The following NDRG3 variants were observed in gnomAD, a reference collection of about 807,000 sequenced individuals.
NDRG3 encodes the protein protein NDRG3.
Under a neutral mutation model 57.2 loss-of-function variants are expected in NDRG3, and 23 were observed. The ratio of observed to expected loss-of-function variants is 0.40; its 90% CI spans 0.29 to 0.57. The LOEUF (loss-of-function observed/expected upper bound fraction) is 0.57, where lower values mean the gene tolerates loss of function less well. Among genes scored for constraint, NDRG3 ranks in the 20% least tolerant of loss-of-function variants. The pLI is 0.42. For missense variants in NDRG3, 384 were observed against 457.3 expected (o/e 0.84, Z 1.46); for synonymous variants, 132 against 162.6 (o/e 0.81, Z 1.43).
intron 2 of NDRG3, among the ~76,000 whole-genome samples, chr20:36,714,996 GTGTGTGTGTGTATATATATA>G (rs1188910112): frequency 3.6e-5 from 2 of 55,724 alleles, no homozygotes; most frequent in Non-Finnish European, 6.6e-5. Context: ...GTGTGTGTGT[GTGTGTGTGTGTATATATATA>G]TATATATATA....
chr20:36,653,704 G>A lies in NDRG3; in HGVS notation c.947-3C>T, dbSNP rs1978411982. On this transcript the variant is annotated splice_polypyrimidine_tract_variant and splice_region_variant and intron_variant, in intron 15 of 15. Transcript: ENST00000349004. This position sits in a 1 kb window ranked among gnomAD's most constrained non-coding sequence, Gnocchi z 4.2. Reference sequence around the variant, plus strand: ...CCGAGTCATGCTGGCAGATGGTACTGTAACAGAGAACCAAGGGGACTAGAA... The same window carrying A: ...CCGAGTCATGCTGGCAGATGGTACTATAACAGAGAACCAAGGGGACTAGAA... 1 of 1,612,154 alleles carries A rather than the reference G, an allele frequency of 6.2e-7. No individual in the cohort carries two copies. The highest frequency in any genetic ancestry group is 8.5e-7 in the Non-Finnish European group (1 of 1,179,600).
intron 8 of NDRG3, among the ~76,000 whole-genome samples, chr20:36,676,903 G>C (rs1980773891): frequency 6.6e-6 from 1 of 152,252 alleles, no homozygotes; most frequent in African/African-American, 2.4e-5. Flanking sequence ...CAGAGCCGCA[G>C]ACCCAGGCCT....
At chr20:36,711,526 T>A (rs1983879069) in intron 2 of NDRG3, among the ~76,000 whole-genome samples, 1 of 152,152 alleles carries the variant, frequency 6.6e-6, no homozygotes. Flanking sequence ...GCAGCTGTCA[T>A]TGTATCCATG....
intron 1 of NDRG3, among the ~76,000 whole-genome samples, chr20:36,731,879 C>G (rs1985306309): frequency 2.0e-5 from 3 of 151,850 alleles, no homozygotes; most frequent in African/African-American, 7.3e-5. Context: ...ATAATCCCAG[C>G]ACTTTGGGAG....
At chr20:36,723,502 C>A (rs1272274958) in intron 1 of NDRG3, among the ~76,000 whole-genome samples, 1 of 151,878 alleles carries the variant, frequency 6.6e-6, no homozygotes, top group Admixed American at 6.6e-5. Flanking sequence ...GTACCCATTG[C>A]ACTATGGAAG....
At chr20:36,694,419 G>C (rs1982598417) in intron 3 of NDRG3, among the ~76,000 whole-genome samples, 1 of 152,128 alleles carries the variant, frequency 6.6e-6, no homozygotes, top group African/African-American at 2.4e-5. Context: ...GAACCCTTCT[G>C]CCAGGCTGTC....
chr20:36,679,326 CAT>C (rs1256849909), intron 8 of NDRG3, among the ~76,000 whole-genome samples: 8 of 152,146 alleles, frequency 5.3e-5, no homozygotes. Flanking sequence ...TGCCCTATGA[CAT>C]AGCAATTTCA....
At chr20:36,667,852 G>A (rs557515097) in intron 9 of NDRG3, among the ~76,000 whole-genome samples, 31 of 152,204 alleles carry the variant, frequency 2.0e-4, no homozygotes, top group Admixed American at 3.3e-4. Context: ...ATTGACAAGC[G>A]TCTACCTGAA....
chr20:36,684,830 C>T (rs1403286673), intron 5 of NDRG3, among the ~76,000 whole-genome samples: 1 of 146,654 alleles, frequency 6.8e-6, no homozygotes, highest in African/African-American at 2.5e-5. Context: ...GCCTGGGCAA[C>T]AAGAGCAAAA....
chr20:36,727,319 A>C (rs571575930), intron 1 of NDRG3, among the ~76,000 whole-genome samples: 1 of 152,068 alleles, frequency 6.6e-6, no homozygotes, highest in Admixed American at 6.6e-5. Flanking sequence ...TCTTGGGTTC[A>C]AGCGATTCTC....
chr20:36,721,551 T>G, intron 2 of NDRG3, 128 bp downstream of exon 2: 1 of 599,562 alleles, frequency 1.7e-6, no homozygotes, highest in Non-Finnish European at 2.9e-6. Flanking sequence ...AATAGATTTT[T>G]AAAGTATTCC....
intron 1 of NDRG3, among the ~76,000 whole-genome samples, chr20:36,739,166 A>AAAAAAAT (rs1157120131): frequency 8.6e-6 from 1 of 116,366 alleles, no homozygotes; most frequent in African/African-American, 3.8e-5. Flanking sequence ...AAAAAAAAAA[A>AAAAAAAT]GGCCAGGCAC....
In NDRG3 at chr20:36,687,535, C is replaced by A; in HGVS notation, c.277G>T (p.Asp93Tyr). 1 of 1,614,094 alleles carries A rather than the reference C, an allele frequency of 6.2e-7. No homozygotes were observed. Reference protein sequence around the residue: ...ITQHFAVCHVDAPGQQEGAPS... With the variant: ...ITQHFAVCHVYAPGQQEGAPS... ...GCACCTTCCTGCTGGCCTGGGGCATCCACATGACAGACAGCAAAGTGCTGG... is the reference window on the plus strand; with the variant it reads ...GCACCTTCCTGCTGGCCTGGGGCATACACATGACAGACAGCAAAGTGCTGG... The change falls in exon 5 of 16, where the codon GAT becomes TAT. Residue 93 changes from aspartate to tyrosine, a missense_variant. Physicochemically the swap from Asp to Tyr is radical, Grantham distance 160. Coordinates refer to ENST00000349004, the MANE Select transcript of NDRG3 (RefSeq NM_032013.4).
At chr20:36,735,387 CA>C (rs1475826796) in intron 1 of NDRG3, among the ~76,000 whole-genome samples, 1 of 152,090 alleles carries the variant, frequency 6.6e-6, no homozygotes, top group Non-Finnish European at 1.5e-5. Context: ...GGAAAAAATC[CA>C]AAACCTGAAA....
chr20:36,685,687 C>G (rs1981723192), intron 5 of NDRG3, among the ~76,000 whole-genome samples: 1 of 152,186 alleles, frequency 6.6e-6, no homozygotes, highest in Non-Finnish European at 1.5e-5. Flanking sequence ...GGCCCAGGAA[C>G]AGACCCAGAT....
rs372722052 is a variant in NDRG3 at position 36,680,275 on chromosome 20, A to C, written c.531+541T>G. ...GCCGAGGCGGGTGGATCACAAGGTC[A>C]GGAGTTCAAGACCAGCCTGGTCAAG... On this transcript the variant is annotated intron_variant, in intron 8 of 15. Transcript: ENST00000349004. Among the ~76,000 whole-genome samples the C allele has an allele frequency of 1.6e-4, 24 of 151,848 alleles. No homozygotes were observed. The South Asian group carries it at 4.2e-3, about 26-fold the overall frequency.
At chr20:36,694,906 T>C (rs919793845) in intron 3 of NDRG3, among the ~76,000 whole-genome samples, 1 of 152,122 alleles carries the variant, frequency 6.6e-6, no homozygotes, top group African/African-American at 2.4e-5. Flanking sequence ...CATAGATGCA[T>C]GCCACCATGC....
At chr20:36,742,334 A>G (rs1478986131) in intron 1 of NDRG3, among the ~76,000 whole-genome samples, 1 of 152,208 alleles carries the variant, frequency 6.6e-6, no homozygotes. Flanking sequence ...TTAAGGATGA[A>G]TTCACTGAGA....
chr20:36,658,812 G>T (rs1318799949), intron 13 of NDRG3, among the ~76,000 whole-genome samples: 1 of 152,154 alleles, frequency 6.6e-6, no homozygotes, highest in Non-Finnish European at 1.5e-5. Context: ...GAGTTGGTCT[G>T]TATTTGCCCT....
Sources: gnomAD v4.1 joint callset for allele counts (sites outside exome capture counted in the v4.1 genomes callset) on GRCh38, gnomAD v4.1.1 for gene constraint, Gnocchi (gnomAD v3.1) non-coding constraint, MANE v1.5 for transcripts, NCBI Gene and HGNC (gene_info 2026-07-23, HGNC 2026-07-21) for gene names.